Variants in TMTC1 observed in about 807,000 individuals in gnomAD.
TMTC1 encodes the protein transmembrane O-mannosyltransferase targeting cadherins 1.
TMTC1 carries 73 observed loss-of-function variants against 104.8 expected under a neutral mutation model. The ratio of observed to expected loss-of-function variants is 0.70; its 90% CI spans 0.58 to 0.85. The LOEUF is 0.85. Among genes scored for constraint, TMTC1 ranks in the 40% least tolerant of loss-of-function variants. The pLI is 0.00. For synonymous variants in TMTC1, 434 were observed against 428.7 expected, an observed-to-expected ratio of 1.01 and a Z score of -0.15; for missense variants, 1,035 against 1,096.1, an observed-to-expected ratio of 0.94 and a Z score of 0.79.
chr12:29,661,744 A>G (rs779914062), intron 5 of TMTC1, among the ~76,000 whole-genome samples: 1 of 152,020 alleles, frequency 6.6e-6, no homozygotes, highest in Non-Finnish European at 1.5e-5. Flanking sequence ...TCAGTTAAAT[A>G]ATTTTTTTAA....
chr12:29,755,706 T>C lies in TMTC1; in HGVS notation c.731+3A>G. On this transcript the variant is annotated splice_donor_region_variant and intron_variant, in intron 4 of 17. Coordinates refer to ENST00000539277, the MANE Select transcript of TMTC1 (RefSeq NM_001193451.2). ...TTGATATCAAAACTGTAAAATGACTTACGACTTGTCTTGCTTGTTGGAAAG... is the reference window on the plus strand; with the variant it reads ...TTGATATCAAAACTGTAAAATGACTCACGACTTGTCTTGCTTGTTGGAAAG... The C allele has an allele frequency of 6.2e-7, 1 of 1,612,210 alleles. No individual in the cohort carries two copies. Among genetic ancestry groups the C allele is most frequent in the South Asian group, 1.1e-5 (1 of 90,706 alleles).
At chr12:29,632,664 C>T (rs1938356252) in intron 6 of TMTC1, among the ~76,000 whole-genome samples, 2 of 152,136 alleles carry the variant, frequency 1.3e-5, no homozygotes, top group South Asian at 4.1e-4. Flanking sequence ...GTCCTTATAG[C>T]AGTATGATAA....
intron 11 of TMTC1, chr12:29,535,616 CTA>C (rs1461062511): frequency 6.6e-6 from 1 of 152,306 alleles, no homozygotes; most frequent in Non-Finnish European, 1.5e-5. Flanking sequence ...GTCAACAAAA[CTA>C]TATCATCAAT....
intron 5 of TMTC1, among the ~76,000 whole-genome samples, chr12:29,644,704 CT>C (rs895528014): frequency 1.3e-5 from 2 of 152,108 alleles, no homozygotes; most frequent in African/African-American, 4.8e-5. Flanking sequence ...TGCTCAGGGG[CT>C]TCTTGTGCTT....
intron 6 of TMTC1, among the ~76,000 whole-genome samples, chr12:29,614,886 C>G (rs868601916): frequency 3.9e-5 from 6 of 152,154 alleles, no homozygotes; most frequent in Admixed American, 1.3e-4. Flanking sequence ...CAATAAATTA[C>G]TCCCCAAGTG....
At chr12:29,667,694 T>C (rs1940337604) in intron 5 of TMTC1, among the ~76,000 whole-genome samples, 1 of 152,202 alleles carries the variant, frequency 6.6e-6, no homozygotes, top group Non-Finnish European at 1.5e-5. Context: ...AGGACCTTAT[T>C]TTTATTCCCT....
At chr12:29,525,613 A>C (rs1231550470) in intron 11 of TMTC1, among the ~76,000 whole-genome samples, 1 of 151,408 alleles carries the variant, frequency 6.6e-6, no homozygotes, top group Non-Finnish European at 1.5e-5. Flanking sequence ...TAGCGAAAGT[A>C]TACTTTGGCA....
At chr12:29,701,641 G>T (rs1941597466) in intron 5 of TMTC1, among the ~76,000 whole-genome samples, 1 of 152,136 alleles carries the variant, frequency 6.6e-6, no homozygotes, top group Non-Finnish European at 1.5e-5. Context: ...CCCACCTTGT[G>T]TCAGCTTCTT....
intron 6 of TMTC1, among the ~76,000 whole-genome samples, chr12:29,617,021 T>C (rs1946999743): frequency 6.6e-6 from 1 of 152,140 alleles, no homozygotes; most frequent in Middle Eastern, 3.2e-3. Context: ...TCTCTAATGT[T>C]TTATCTTACT....
At chr12:29,706,893 A>G (rs10771571) in intron 5 of TMTC1, among the ~76,000 whole-genome samples, 104,903 of 152,078 alleles carry the variant, frequency 0.69, 36,291 homozygotes, top group South Asian at 0.8. Context: ...GTAAAATCAA[A>G]TATAAAAAAC....
At chr12:29,693,990 T>C (rs958887511) in intron 5 of TMTC1, among the ~76,000 whole-genome samples, 1 of 152,214 alleles carries the variant, frequency 6.6e-6, no homozygotes, top group African/African-American at 2.4e-5. Flanking sequence ...TTTTTATATA[T>C]TAATAGGTGT....
chr12:29,760,004 A>G (rs1392632094), intron 2 of TMTC1, among the ~76,000 whole-genome samples: 2 of 152,222 alleles, frequency 1.3e-5, no homozygotes, highest in East Asian at 3.8e-4. Context: ...AGATTATAAT[A>G]CCATATTTCT....
chr12:29,780,473 G>C (rs1206309770), intron 1 of TMTC1, among the ~76,000 whole-genome samples: 2 of 152,188 alleles, frequency 1.3e-5, no homozygotes. Context: ...ATTCATGGTT[G>C]TTATGGATTT....
At chr12:29,681,487 AAGT>A (rs1267622568) in intron 5 of TMTC1, among the ~76,000 whole-genome samples, 1 of 152,206 alleles carries the variant, frequency 6.6e-6, no homozygotes, top group Non-Finnish European at 1.5e-5. Flanking sequence ...TTCCTCCTAG[AAGT>A]ACACAGCACC....
intron 15 of TMTC1, 50 bp from the exon 16 acceptor site, chr12:29,514,654 A>G (rs1943933590): frequency 6.4e-7 from 1 of 1,566,340 alleles, no homozygotes; most frequent in Non-Finnish European, 8.6e-7. Flanking sequence ...AGGTAAAGAA[A>G]AACTTATTTA....
At chr12:29,579,315 T>A (rs929874117) in intron 8 of TMTC1, among the ~76,000 whole-genome samples, 1 of 152,224 alleles carries the variant, frequency 6.6e-6, no homozygotes, top group African/African-American at 2.4e-5. Flanking sequence ...CAAGACAACA[T>A]CAGAGTTACA....
chr12:29,773,592 T>C (rs1164761108), intron 1 of TMTC1, among the ~76,000 whole-genome samples: 1 of 152,152 alleles, frequency 6.6e-6, no homozygotes, highest in Non-Finnish European at 1.5e-5. Flanking sequence ...TGACTCTACA[T>C]GTGGTGACCC....
chr12:29,578,951 G>C (rs1945900336), intron 8 of TMTC1, among the ~76,000 whole-genome samples: 1 of 152,168 alleles, frequency 6.6e-6, no homozygotes, highest in Admixed American at 6.6e-5. Flanking sequence ...GCTGGGCTAA[G>C]CACCAGTTTC....
chr12:29,574,096 G>C (rs907391611), intron 8 of TMTC1, among the ~76,000 whole-genome samples: 2 of 152,114 alleles, frequency 1.3e-5, no homozygotes, highest in Non-Finnish European at 2.9e-5. Flanking sequence ...AGAAGGATTC[G>C]GGAGACATCC....
Sources: allele counts gnomAD v4.1 joint callset (sites outside exome capture counted in the v4.1 genomes callset), GRCh38; gene constraint gnomAD v4.1.1; transcripts MANE v1.5; gene names NCBI Gene and HGNC (gene_info 2026-07-23, HGNC 2026-07-21).